Variants in FAM167A observed in about 807,000 individuals in gnomAD.
The protein encoded by FAM167A is protein FAM167A.
FAM167A carries 23 observed loss-of-function variants against 14.9 expected under a neutral mutation model. The ratio of observed to expected loss-of-function variants is 1.55; its 90% CI spans 1.11 to 2.19. The LOEUF is 2.19. Ranked by LOEUF, FAM167A falls within the 30% of genes most tolerant of loss-of-function variation. The pLI is 0.00. For missense variants in FAM167A, 401 were observed against 281.5 expected (o/e 1.42, Z -3.04); for synonymous variants, 174 against 117.7 (o/e 1.48, Z -3.10).
chr8:11,464,552 T>G (rs1322680760), intron 1 of FAM167A, among the ~76,000 whole-genome samples: 3 of 152,146 alleles, frequency 2.0e-5, no homozygotes, highest in Non-Finnish European at 4.4e-5. Context: ...AGTCTCGGGG[T>G]GCATTTGCAC....
chr8:11,446,107 T>G (rs1227529687), intron 1 of FAM167A, among the ~76,000 whole-genome samples: 1 of 147,124 alleles, frequency 6.8e-6, no homozygotes, highest in African/African-American at 2.5e-5. Context: ...GAGGTGAGGA[T>G]AGGAGGGAAA....
chr8:11,430,378 T>C (rs1360873194), intron 2 of FAM167A, among the ~76,000 whole-genome samples: 2 of 152,228 alleles, frequency 1.3e-5, no homozygotes, highest in African/African-American at 4.8e-5. Context: ...TTGTGATCTG[T>C]ACTACAGATG....
intron 2 of FAM167A, among the ~76,000 whole-genome samples, chr8:11,426,147 C>T (rs1013828784): frequency 2.0e-5 from 3 of 152,216 alleles, no homozygotes; most frequent in Non-Finnish European, 4.4e-5. Flanking sequence ...CAAAACTTAA[C>T]TCTTTCAATC....
intron 1 of FAM167A, among the ~76,000 whole-genome samples, chr8:11,473,939 A>G (rs749885326): frequency 6.6e-5 from 10 of 151,738 alleles, no homozygotes; most frequent in Non-Finnish European, 1.3e-4. Flanking sequence ...GTGGCGCAAT[A>G]CCAGCTCACT....
intron 1 of FAM167A, among the ~76,000 whole-genome samples, chr8:11,456,293 TG>T (rs1807293408): frequency 1.4e-5 from 2 of 148,092 alleles, no homozygotes; most frequent in Non-Finnish European, 3.0e-5. Flanking sequence ...GGTATCAGTG[TG>T]AGTGTGAGGT....
chr8:11,438,759 G>A (rs527653301), intron 2 of FAM167A: 32 of 345,000 alleles, frequency 9.3e-5, no homozygotes, highest in African/African-American at 6.9e-4. Context: ...TGCAGGGCTG[G>A]TGCCAGACAG....
intron 2 of FAM167A, among the ~76,000 whole-genome samples, chr8:11,428,861 T>G (rs979086871): frequency 5.9e-5 from 9 of 152,198 alleles, no homozygotes; most frequent in Admixed American, 4.6e-4. Flanking sequence ...CTGCTGTAAT[T>G]GAACCAAATC....
rs958507250 is a variant in FAM167A at position 11,422,857 on chromosome 8, G to A, written c.*1516C>T. 6.5e-6 allele frequency: 1 copy of A among 152,766 alleles called. No individual in the cohort carries two copies. Among genetic ancestry groups the A allele is most frequent in the Non-Finnish European group, 1.5e-5 (1 of 68,068 alleles). The allele number at this position is 152,766 out of a possible 1,614,324, so 9.5% of individuals were successfully genotyped here. A position where few individuals can be genotyped will look rare whatever the true frequency, so the allele number is the denominator to read the frequency against. ...GTGACACATGCCCTGTGGGGCCACT[G>A]TCAGTGCCTTGCTCCACCTTGACCC... On this transcript the variant is annotated 3_prime_UTR_variant, in exon 3 of 3. Transcript: ENST00000284486.
At position 11,423,956 on chromosome 8, in the gene FAM167A, C is replaced by T; in HGVS notation, c.*417G>A. 2 of 195,426 alleles carry T rather than the reference C, an allele frequency of 1.0e-5. No individual in the cohort carries two copies. Among genetic ancestry groups the T allele is most frequent in the Non-Finnish European group, 2.1e-5 (2 of 94,092 alleles). 12.1% of individuals were successfully genotyped at this position (195,426 alleles called of 1,614,324 possible). On this transcript the variant is annotated 3_prime_UTR_variant, in exon 3 of 3. Transcript: ENST00000284486. ...ACGTGAGACAGGCACATCTGACATG[C>T]CTAATTTCCCCCAAGGCCCTTGCGG...
intron 2 of FAM167A, among the ~76,000 whole-genome samples, chr8:11,430,062 G>A (rs1430585210): frequency 6.6e-6 from 1 of 152,202 alleles, no homozygotes; most frequent in Non-Finnish European, 1.5e-5. Flanking sequence ...GCTGGCCAGG[G>A]TGACTCAACT....
chr8:11,464,801 G>C (rs569997447), intron 1 of FAM167A, among the ~76,000 whole-genome samples: 26 of 152,236 alleles, frequency 1.7e-4, no homozygotes, highest in Non-Finnish European at 3.4e-4. Flanking sequence ...AGCAGCCAGG[G>C]TGTGAGAAGC....
chr8:11,427,908 G>A (rs1220467858), intron 2 of FAM167A, among the ~76,000 whole-genome samples: 2 of 152,168 alleles, frequency 1.3e-5, no homozygotes, highest in African/African-American at 2.4e-5. Flanking sequence ...ATGATAGGGT[G>A]GCTGGTCATT....
intron 1 of FAM167A, among the ~76,000 whole-genome samples, chr8:11,455,849 T>C (rs1198094611): frequency 1.6e-5 from 1 of 61,276 alleles, no homozygotes. Flanking sequence ...TGAGGGTTGG[T>C]TGCCTTATGG....
chr8:11,438,248 CCTT>C (rs1238938953), intron 2 of FAM167A: 4 of 415,772 alleles, frequency 9.6e-6, no homozygotes, highest in Non-Finnish European at 4.8e-6. Context: ...ACTCCCTTCT[CCTT>C]GACCCTGCAA....
chr8:11,454,553 C>T (rs1807154293), intron 1 of FAM167A, among the ~76,000 whole-genome samples: 1 of 152,248 alleles, frequency 6.6e-6, no homozygotes, highest in Admixed American at 6.5e-5. Flanking sequence ...GCCAGCCCCA[C>T]AGCCAAGGGA....
chr8:11,444,961 A>T, intron 1 of FAM167A, 153 bp from the exon 2 acceptor site: 1 of 700,670 alleles, frequency 1.4e-6, no homozygotes, highest in Non-Finnish European at 1.8e-6. Flanking sequence ...AGATCATTTT[A>T]ATGCCTTAAT....
intron 2 of FAM167A, among the ~76,000 whole-genome samples, chr8:11,442,624 A>G (rs1048587590): frequency 1.3e-5 from 2 of 152,238 alleles, no homozygotes; most frequent in East Asian, 1.9e-4. Context: ...AGCCTCAGCC[A>G]TTCAAAGAGC....
intron 1 of FAM167A, among the ~76,000 whole-genome samples, chr8:11,449,642 C>T (rs185702299): frequency 3.9e-5 from 6 of 152,340 alleles, no homozygotes; most frequent in East Asian, 3.9e-4. Context: ...GGCCCAGGCA[C>T]GCCCCGCCAG....
chr8:11,438,415 C>T (rs1341360415), intron 2 of FAM167A: 2 of 452,722 alleles, frequency 4.4e-6, no homozygotes. Flanking sequence ...GATTGAAGGC[C>T]TTACTTTTAT....
Sources: allele counts gnomAD v4.1 joint callset (sites outside exome capture counted in the v4.1 genomes callset), GRCh38; gene constraint gnomAD v4.1.1; transcripts MANE v1.5; gene names NCBI Gene and HGNC (gene_info 2026-07-23, HGNC 2026-07-21).